Variants in STPG2 observed in about 807,000 individuals in gnomAD.
STPG2 encodes the protein sperm-tail PG-rich repeat-containing protein 2.
STPG2 carries 56 observed loss-of-function variants against 54.2 expected under a neutral mutation model. The ratio of observed to expected loss-of-function variants is 1.03; its 90% CI spans 0.83 to 1.29. The LOEUF (loss-of-function observed/expected upper bound fraction) is 1.29. STPG2 is among the 50% of genes most tolerant of loss of function. The pLI is 0.00. For synonymous variants in STPG2, 200 were observed against 181.8 expected (o/e 1.10, Z -0.81); for missense variants, 596 against 544.9 (o/e 1.09, Z -0.93).
intron 10 of STPG2, among the ~76,000 whole-genome samples, chr4:97,570,911 T>G (rs1732583516): frequency 6.6e-6 from 1 of 152,188 alleles, no homozygotes; most frequent in Admixed American, 6.5e-5. Flanking sequence ...TTGTCTTTTT[T>G]GTGTTAATCA....
chr4:97,636,436 A>G (rs1165576247), intron 10 of STPG2, among the ~76,000 whole-genome samples: 16 of 144,734 alleles, frequency 1.1e-4, no homozygotes, highest in Admixed American at 9.8e-4. Context: ...AAAGAACTAG[A>G]AAAGCAAGAG....
chr4:98,061,650 A>G (rs949417483), intron 5 of STPG2, among the ~76,000 whole-genome samples: 1 of 152,176 alleles, frequency 6.6e-6, no homozygotes, highest in East Asian at 1.9e-4. Context: ...TGAACAGACA[A>G]GTCTCAAAAG....
chr4:97,876,080 A>G (rs1422730963), intron 8 of STPG2, among the ~76,000 whole-genome samples: 1 of 152,078 alleles, frequency 6.6e-6, no homozygotes, highest in Non-Finnish European at 1.5e-5. Flanking sequence ...GCAAGACATC[A>G]GAATAATTAT....
intron 9 of STPG2, among the ~76,000 whole-genome samples, chr4:97,820,074 C>T (rs139168711): frequency 7.2e-5 from 11 of 151,946 alleles, no homozygotes; most frequent in Middle Eastern, 3.2e-3. Flanking sequence ...CATGTCTCAA[C>T]GTCACATTTT....
intron 8 of STPG2, among the ~76,000 whole-genome samples, chr4:97,850,790 CA>C (rs945462430): frequency 6.6e-6 from 1 of 151,908 alleles, no homozygotes; most frequent in African/African-American, 2.4e-5. Flanking sequence ...AAGGGAACCC[CA>C]AAAAAGTAGT....
At chr4:97,864,793 C>G (rs759965499) in intron 8 of STPG2, among the ~76,000 whole-genome samples, 1 of 152,042 alleles carries the variant, frequency 6.6e-6, no homozygotes, top group Non-Finnish European at 1.5e-5. Flanking sequence ...TACCACACAT[C>G]TACAACTATC....
At chr4:97,560,622 A>G (rs1732203601) in intron 10 of STPG2, among the ~76,000 whole-genome samples, 1 of 152,172 alleles carries the variant, frequency 6.6e-6, no homozygotes, top group African/African-American at 2.4e-5. Flanking sequence ...TCCATTTACC[A>G]GAGAAGAGAG....
At chr4:97,482,447 A>G (rs923420425) in intron 4 of STPG2, among the ~76,000 whole-genome samples, 7 of 151,722 alleles carry the variant, frequency 4.6e-5, no homozygotes, top group Admixed American at 1.3e-4. Context: ...TTGAATGAGT[A>G]GAATAAAGAA....
intron 10 of STPG2, among the ~76,000 whole-genome samples, chr4:97,589,803 A>G (rs574200814): frequency 2.0e-5 from 3 of 152,188 alleles, no homozygotes; most frequent in Non-Finnish European, 4.4e-5. Context: ...CTGTAGTTCT[A>G]TTTTTCCATT....
intron 10 of STPG2, among the ~76,000 whole-genome samples, chr4:97,658,437 G>GC (rs1468850335): frequency 1.3e-5 from 2 of 152,184 alleles, no homozygotes; most frequent in Non-Finnish European, 2.9e-5. Context: ...AAAGAGACAG[G>GC]CGTGGCCTAG....
intron 5 of STPG2, among the ~76,000 whole-genome samples, chr4:98,003,106 A>C (rs1735463557): frequency 6.6e-6 from 1 of 152,122 alleles, no homozygotes; most frequent in Non-Finnish European, 1.5e-5. Context: ...CACTACAAAT[A>C]GTGCCAACAG....
chr4:97,670,120 A>G (rs1722654658), intron 10 of STPG2, among the ~76,000 whole-genome samples: 1 of 152,178 alleles, frequency 6.6e-6, no homozygotes, highest in African/African-American at 2.4e-5. Context: ...AATTGTTGAT[A>G]ACATTTTTTG....
intron 5 of STPG2, among the ~76,000 whole-genome samples, chr4:97,989,495 GATT>G (rs1734944496): frequency 6.6e-6 from 1 of 152,046 alleles, no homozygotes. Flanking sequence ...GACACAGAAA[GATT>G]AATAACAATA....
Position 98,104,669 on chromosome 4 carries a change from A to G in STPG2, c.612+1284T>C, listed in dbSNP as rs991110348. Among the ~76,000 whole-genome samples, 30 of 152,202 alleles carry G rather than the reference A, an allele frequency of 2.0e-4. 1 individual carries two copies. The highest frequency in any genetic ancestry group is 1.2e-4 in the Non-Finnish European group (8 of 68,030). On this transcript the variant is annotated intron_variant, in intron 5 of 10. Coordinates refer to ENST00000295268, the MANE Select transcript of STPG2 (RefSeq NM_174952.3). ...ACTTGTTTTCACAGAGTTGATTTTC[A>G]AAAGAAAGAGTCACATTACATTTAA...
chr4:97,829,921 G>A (rs1464433427), intron 9 of STPG2, among the ~76,000 whole-genome samples: 1 of 152,156 alleles, frequency 6.6e-6, no homozygotes, highest in East Asian at 1.9e-4. Flanking sequence ...AAGTGATGGG[G>A]AGAATAGAAC....
At chr4:97,909,451 C>A (rs1374541933) in intron 8 of STPG2, among the ~76,000 whole-genome samples, 8 of 152,118 alleles carry the variant, frequency 5.3e-5, no homozygotes, top group African/African-American at 1.9e-4. Flanking sequence ...CAACACTTAC[C>A]AACTTTATGT....
At chr4:97,557,672 A>G (rs961956504), downstream of STPG2, among the ~76,000 whole-genome samples, 1 of 152,202 alleles carries the variant, frequency 6.6e-6, no homozygotes, top group Non-Finnish European at 1.5e-5. Flanking sequence ...CAGATTTCTC[A>G]GGCAAGAGAA....
chr4:97,625,216 G>T (rs981573261), intron 10 of STPG2, among the ~76,000 whole-genome samples: 1 of 152,224 alleles, frequency 6.6e-6, no homozygotes, highest in East Asian at 1.9e-4. Context: ...TTTTCAATAC[G>T]GAAAAACATT....
chr4:98,030,098 G>A (rs533989594), intron 5 of STPG2, among the ~76,000 whole-genome samples: 21 of 152,200 alleles, frequency 1.4e-4, no homozygotes, highest in African/African-American at 2.6e-4. Context: ...TCCATTATCC[G>A]GTTTGCAAGA....
Sources: allele counts gnomAD v4.1 joint callset (sites outside exome capture counted in the v4.1 genomes callset), GRCh38; gene constraint gnomAD v4.1.1; transcripts MANE v1.5; gene names NCBI Gene and HGNC (gene_info 2026-07-23, HGNC 2026-07-21).